WWOX: variants seen among roughly 807,000 people sequenced by gnomAD.
The protein encoded by WWOX is WW domain-containing oxidoreductase.
WWOX carries 69 observed loss-of-function variants against 46.2 expected under a neutral mutation model. The ratio of observed to expected loss-of-function variants is 1.49; its 90% confidence interval spans 1.23 to 1.82. The LOEUF is 1.82. Ranked by LOEUF, WWOX falls within the 40% of genes most tolerant of loss-of-function variation. The probability of loss-of-function intolerance (pLI) is 0.00; values close to 1 mark genes in which losing one functional copy is unlikely to be tolerated. For synonymous variants in WWOX, 359 were observed against 202.6 expected (o/e 1.77, Z -6.56); for missense variants, 919 against 542.6 (o/e 1.69, Z -6.89).
At chr16:78,284,656 T>C (rs1224492457) in intron 5 of WWOX, among the ~76,000 whole-genome samples, 1 of 152,212 alleles carries the variant, frequency 6.6e-6, no homozygotes, top group African/African-American at 2.4e-5. Context: ...AGAGAAATCA[T>C]CATACTAGCC....
chr16:78,518,547 C>G lies in WWOX; in HGVS notation c.1056+85795C>G, dbSNP rs200998785. Among the ~76,000 whole-genome samples the G allele has an allele frequency of 6.6e-5, 10 of 152,244 alleles. No individual in the cohort carries two copies. In the East Asian group the frequency reaches 1.9e-3, roughly 29 times the overall value. The stretch of plus-strand genomic sequence containing the variant: ...ATAAATGTTATCTTTATATAACATA[C>G]TCACAGCTCCCTTAGGAGTACTTTT... On this transcript the variant is annotated intron_variant, in intron 8 of 8. Transcript: ENST00000566780.
intron 8 of WWOX, among the ~76,000 whole-genome samples, chr16:78,854,532 A>T (rs555452913): frequency 5.9e-5 from 9 of 152,212 alleles, no homozygotes; most frequent in Non-Finnish European, 1.2e-4. Context: ...TGGAACATAA[A>T]AATTCCTCTA....
chr16:78,773,259 C>T (rs949020937), intron 8 of WWOX, among the ~76,000 whole-genome samples: 2 of 152,072 alleles, frequency 1.3e-5, no homozygotes, highest in African/African-American at 4.8e-5. Flanking sequence ...TCTCCGATTC[C>T]ACACCCCATG....
intron 8 of WWOX, among the ~76,000 whole-genome samples, chr16:78,702,970 A>G (rs1049776090): frequency 2.0e-5 from 3 of 152,166 alleles, no homozygotes; most frequent in African/African-American, 7.2e-5. Flanking sequence ...TTGCTCTTGT[A>G]GATCATCATA....
At position 79,059,477 on chromosome 16, in the gene WWOX, G is replaced by C. The variant is rs148149399; in HGVS notation, c.1057-152131G>C. Among the ~76,000 whole-genome samples the C allele has an allele frequency of 3.2e-3, 482 of 152,254 alleles. 3 individuals are homozygous for C. Among genetic ancestry groups the C allele is most frequent in the Non-Finnish European group, 5.0e-3 (339 of 68,020 alleles). On this transcript the variant is annotated intron_variant, in intron 8 of 8. Transcript: ENST00000566780. ...TTTGAGAATTTGCCATTGCATCTCA[G>C]TCTTTTTTATTTATATGTTTTTTCT...
chr16:78,457,023 T>C (rs1255506296), intron 8 of WWOX, among the ~76,000 whole-genome samples: 3 of 152,232 alleles, frequency 2.0e-5, no homozygotes, highest in African/African-American at 7.2e-5. Flanking sequence ...ACTGGCAGGA[T>C]GGTTAATTTG....
intron 6 of WWOX, among the ~76,000 whole-genome samples, chr16:78,410,191 C>T (rs909023452): frequency 6.6e-6 from 1 of 152,188 alleles, no homozygotes; most frequent in South Asian, 2.1e-4. Context: ...CCTCCTGAGG[C>T]CTCACCGGAA....
At chr16:78,257,326 T>C (rs1031752021) in intron 5 of WWOX, among the ~76,000 whole-genome samples, 2 of 152,154 alleles carry the variant, frequency 1.3e-5, no homozygotes, top group African/African-American at 2.4e-5. Flanking sequence ...TGCACAATGA[T>C]TGAAATATTT....
At chr16:78,639,084 T>C (rs2042431) in intron 8 of WWOX, among the ~76,000 whole-genome samples, 137,273 of 152,200 alleles carry the variant, frequency 0.9, 62,069 homozygotes, top group Middle Eastern at 0.94. Flanking sequence ...AAGCTGGGCC[T>C]AAAAGACCAG....
At chr16:78,683,185 AT>A (rs200661478) in intron 8 of WWOX, among the ~76,000 whole-genome samples, 7 of 152,014 alleles carry the variant, frequency 4.6e-5, no homozygotes, top group African/African-American at 1.2e-4. Context: ...GGTCTTTAAA[AT>A]TTTTTTTAAA....
chr16:78,297,368 G>A (rs189800206), intron 5 of WWOX, among the ~76,000 whole-genome samples: 5 of 152,240 alleles, frequency 3.3e-5, no homozygotes, highest in Admixed American at 3.3e-4. Flanking sequence ...ATGGCATCAT[G>A]TAGGGAGCCT....
chr16:78,898,573 C>G (rs1028228419), intron 8 of WWOX: 1 of 152,008 alleles, frequency 6.6e-6, no homozygotes, highest in African/African-American at 2.4e-5. Context: ...TTCTTTATTT[C>G]AAGATTGTTT....
At chr16:78,913,105 C>T (rs1460598629) in intron 8 of WWOX, among the ~76,000 whole-genome samples, 1 of 151,992 alleles carries the variant, frequency 6.6e-6, no homozygotes, top group East Asian at 1.9e-4. Context: ...CCACATCTGA[C>T]ATCCTGCCCT....
intron 8 of WWOX, chr16:78,553,187 C>T (rs762450255): frequency 2.0e-5 from 3 of 152,160 alleles, no homozygotes; most frequent in Non-Finnish European, 2.9e-5. Flanking sequence ...GGGCTTAATA[C>T]CTAGGCGATG....
chr16:78,251,935 T>C (rs1209975444), intron 5 of WWOX, among the ~76,000 whole-genome samples: 1 of 152,228 alleles, frequency 6.6e-6, no homozygotes, highest in African/African-American at 2.4e-5. Flanking sequence ...GAGTTGTCAA[T>C]ACATCTTTGT....
At chr16:78,519,931 C>G (rs948930496) in intron 8 of WWOX, among the ~76,000 whole-genome samples, 1 of 152,148 alleles carries the variant, frequency 6.6e-6, no homozygotes, top group Non-Finnish European at 1.5e-5. Flanking sequence ...TTTTGAGATT[C>G]TTTTTTCAGT....
chr16:78,497,635 C>G (rs942228459), intron 8 of WWOX, among the ~76,000 whole-genome samples: 1 of 151,992 alleles, frequency 6.6e-6, no homozygotes, highest in Non-Finnish European at 1.5e-5. Flanking sequence ...TAAAAATGGC[C>G]CTTCCAACAT....
intron 8 of WWOX, among the ~76,000 whole-genome samples, chr16:78,845,394 T>C (rs1188361540): frequency 6.6e-6 from 1 of 152,208 alleles, no homozygotes; most frequent in East Asian, 1.9e-4. Context: ...AATGAGAAGT[T>C]TTCCATTCCA....
intron 8 of WWOX, among the ~76,000 whole-genome samples, chr16:79,099,366 A>G (rs2049143599): frequency 6.6e-6 from 1 of 152,226 alleles, no homozygotes; most frequent in Admixed American, 6.5e-5. Flanking sequence ...AAACAATGTA[A>G]GGTCCCGTGA....
Sources: gnomAD v4.1 joint callset for allele counts (sites outside exome capture counted in the v4.1 genomes callset) on GRCh38, gnomAD v4.1.1 for gene constraint, MANE v1.5 for transcripts, NCBI Gene and HGNC (gene_info 2026-07-23, HGNC 2026-07-21) for gene names.